Variants in BCAS3 observed in about 807,000 individuals in gnomAD.
The protein encoded by BCAS3 is BCAS3 microtubule associated cell migration factor, also known as BCAS4/BCAS3 fusion.
A neutral mutation model predicts 116.1 loss-of-function variants in BCAS3; 53 were observed. That is an observed-to-expected ratio of 0.46 (90% CI 0.37 to 0.57). BCAS3 has a LOEUF of 0.57. Among genes scored for constraint, BCAS3 ranks in the 20% least tolerant of loss-of-function variants. The probability of loss-of-function intolerance (pLI) is 0.00; values close to 1 mark genes in which losing one functional copy is unlikely to be tolerated. For missense variants in BCAS3, 917 were observed against 1,165.4 expected (o/e 0.79, Z 3.10); for synonymous variants, 391 against 408.2 (o/e 0.96, Z 0.51).
chr17:60,836,214 T>G (rs1963614063), intron 7 of BCAS3, among the ~76,000 whole-genome samples: 2 of 152,166 alleles, frequency 1.3e-5, no homozygotes, highest in African/African-American at 4.8e-5. Flanking sequence ...GATTCCATAG[T>G]TCACATTAAG....
At chr17:61,384,529 A>G (rs2059754770) in intron 23 of BCAS3, 1 of 152,242 alleles carries the variant, frequency 6.6e-6, no homozygotes, top group Non-Finnish European at 1.5e-5. Flanking sequence ...AACTGAGGCC[A>G]GAGTGAAGTC....
chr17:60,707,445 G>T (rs1262892458), intron 4 of BCAS3, among the ~76,000 whole-genome samples: 1 of 152,144 alleles, frequency 6.6e-6, no homozygotes, highest in Non-Finnish European at 1.5e-5. Context: ...GGGATGGGGG[G>T]TACTTAGCAC....
chr17:61,185,508 C>T (rs536497156), intron 22 of BCAS3, among the ~76,000 whole-genome samples: 4 of 152,166 alleles, frequency 2.6e-5, no homozygotes, highest in South Asian at 2.1e-4. Context: ...AGTTAGAGAT[C>T]GGAAGTAACC....
chr17:60,991,529 A>G (rs546387789), intron 15 of BCAS3, among the ~76,000 whole-genome samples: 28 of 152,330 alleles, frequency 1.8e-4, no homozygotes, highest in African/African-American at 6.7e-4. Context: ...TTTCTGGAGC[A>G]TTGCAGATTT....
In BCAS3 at chr17:61,215,174, T is replaced by C. The variant is rs2081712935; in HGVS notation, c.2425+130610T>C. On this transcript the variant is annotated intron_variant, in intron 22 of 23. Coordinates refer to ENST00000407086, the MANE Select transcript of BCAS3 (RefSeq NM_017679.5). The surrounding 1 kb of genome is among the most constrained non-coding windows in gnomAD (Gnocchi z 4.8). The stretch of plus-strand genomic sequence containing the variant: ...CTGAAAATGGAGGACAAGGATACAT[T>C]TCACCTATGTCTTATGCTTTAACTC... Among the ~76,000 whole-genome samples the C allele has an allele frequency of 1.3e-5, 2 of 152,232 alleles. No individual in the cohort carries two copies. The highest frequency in any genetic ancestry group is 4.8e-5 in the African/African-American group (2 of 41,454).
chr17:61,170,225 C>T (rs2078758210), intron 22 of BCAS3, among the ~76,000 whole-genome samples: 1 of 151,728 alleles, frequency 6.6e-6, no homozygotes, highest in South Asian at 2.1e-4. Flanking sequence ...ATGCAGGCAC[C>T]AGACTTACCC....
intron 15 of BCAS3, among the ~76,000 whole-genome samples, chr17:60,991,944 A>C (rs1434821769): frequency 6.6e-6 from 1 of 152,134 alleles, no homozygotes; most frequent in East Asian, 1.9e-4. Context: ...ATATATTAAC[A>C]CTTCACTCCT....
intron 10 of BCAS3, among the ~76,000 whole-genome samples, chr17:60,898,468 A>G (rs1188659563): frequency 6.6e-6 from 1 of 151,914 alleles, no homozygotes; most frequent in Non-Finnish European, 1.5e-5. Context: ...TTCTGTATAC[A>G]TCATTAGGGG....
chr17:60,765,852 C>T (rs1198448343), intron 6 of BCAS3, among the ~76,000 whole-genome samples: 1 of 152,158 alleles, frequency 6.6e-6, no homozygotes, highest in Non-Finnish European at 1.5e-5. Context: ...TTGGTCTTTT[C>T]ACATAGTCCT....
chr17:60,867,403 G>A (rs990150993), intron 7 of BCAS3, among the ~76,000 whole-genome samples: 1 of 151,988 alleles, frequency 6.6e-6, no homozygotes. Flanking sequence ...ACCACGCCTG[G>A]CCTACGTAGG....
chr17:61,061,084 A>G (rs2069976729), intron 19 of BCAS3, among the ~76,000 whole-genome samples: 1 of 152,232 alleles, frequency 6.6e-6, no homozygotes, highest in Non-Finnish European at 1.5e-5. Context: ...TAGAGTTAAA[A>G]TATGGAAAAC....
intron 5 of BCAS3, among the ~76,000 whole-genome samples, chr17:60,745,857 TATCACAAC>T (rs1231733639): frequency 6.6e-6 from 1 of 152,180 alleles, no homozygotes; most frequent in Non-Finnish European, 1.5e-5. Flanking sequence ...ATTTAGGCGT[TATCACAAC>T]TTAACATTTT....
Position 60,960,561 on chromosome 17 carries a change from CACTGCCCTCCTGG to C in BCAS3, c.1221+13215_1221+13227del, listed in dbSNP as rs1713185602. ...CCAGAGTTTCCCATCTGGCTTGAGG[CACTGCCCTCCTGG>C]ACTGCGGCTTCATTTTCTGGGCCTG... On this transcript the variant is annotated intron_variant, in intron 14 of 23. Coordinates refer to ENST00000407086, the MANE Select transcript of BCAS3 (RefSeq NM_017679.5). The surrounding 1 kb of genome is among the most constrained non-coding windows in gnomAD (Gnocchi z 4.1). 1.3e-5 allele frequency among the ~76,000 whole-genome samples: 2 copies of C among 152,168 alleles called. No homozygotes were observed. Among genetic ancestry groups the C allele is most frequent in the Non-Finnish European group, 2.9e-5 (2 of 68,040 alleles).
At chr17:60,710,699 G>C (rs1568072660) in intron 5 of BCAS3, among the ~76,000 whole-genome samples, 1 of 151,968 alleles carries the variant, frequency 6.6e-6, no homozygotes, top group Non-Finnish European at 1.5e-5. Context: ...CCAAAGTGCT[G>C]GGATTACAGG....
chr17:61,150,269 C>G (rs1281830264), intron 22 of BCAS3, among the ~76,000 whole-genome samples: 1 of 152,186 alleles, frequency 6.6e-6, no homozygotes, highest in African/African-American at 2.4e-5. Context: ...CTCATTCCCA[C>G]TCTTTAGGGC....
At chr17:60,908,992 C>T (rs986917005) in intron 11 of BCAS3, among the ~76,000 whole-genome samples, 1 of 152,084 alleles carries the variant, frequency 6.6e-6, no homozygotes, top group Non-Finnish European at 1.5e-5. Flanking sequence ...CAGATGGTCC[C>T]AGTTTTGAAT....
In BCAS3 at chr17:60,882,126, T is replaced by C. The variant is rs898385048; in HGVS notation, c.661+7388T>C. 1.4e-4 allele frequency among the ~76,000 whole-genome samples: 21 copies of C among 151,652 alleles called. No homozygotes were observed. The East Asian group carries it at 3.3e-3, about 24-fold the overall frequency. Reference sequence around the variant, plus strand: ...TGTTGTTTCCTGACTTTTTAATGATTGCCATTCTAACTGGTGTGAGATGGT... The same window carrying C: ...TGTTGTTTCCTGACTTTTTAATGATCGCCATTCTAACTGGTGTGAGATGGT... On this transcript the variant is annotated intron_variant, in intron 9 of 23. Transcript: ENST00000407086.
intron 22 of BCAS3, among the ~76,000 whole-genome samples, chr17:61,320,533 T>A (rs1183934242): frequency 5.3e-5 from 8 of 151,974 alleles, no homozygotes; most frequent in Non-Finnish European, 2.9e-5. Context: ...TACAAAAAAA[T>A]TAGCCAGGTG....
intron 5 of BCAS3, among the ~76,000 whole-genome samples, chr17:60,732,847 TA>T (rs1399859296): frequency 6.6e-6 from 1 of 151,966 alleles, no homozygotes; most frequent in Non-Finnish European, 1.5e-5. Flanking sequence ...CAAAAATAAA[TA>T]AATAAATAAA....
Sources: allele counts gnomAD v4.1 joint callset (sites outside exome capture counted in the v4.1 genomes callset), GRCh38; gene constraint gnomAD v4.1.1; non-coding constraint Gnocchi (gnomAD v3.1); transcripts MANE v1.5; gene names NCBI Gene and HGNC (gene_info 2026-07-23, HGNC 2026-07-21).